MALRD1: variants seen among roughly 807,000 people sequenced by gnomAD.
MALRD1 encodes the protein MAM and LDL-receptor class A domain-containing protein 1.
In MALRD1, 247 loss-of-function variants were observed where a neutral mutation model predicts 242.1. The ratio of observed to expected loss-of-function variants is 1.02; its 90% CI spans 0.92 to 1.13. MALRD1 has a LOEUF of 1.13. MALRD1 is among the 50% of genes most tolerant of loss of function. The pLI, the probability that MALRD1 is intolerant of heterozygous loss-of-function variation, is 0.00. For synonymous variants in MALRD1, 995 were observed against 866.6 expected, an observed-to-expected ratio of 1.15 and a Z score of -2.60; for missense variants, 2,989 against 2,533.1, an observed-to-expected ratio of 1.18 and a Z score of -3.86.
intron 12 of MALRD1, among the ~76,000 whole-genome samples, chr10:19,162,316 T>A (rs1005201782): frequency 6.6e-6 from 1 of 152,170 alleles, no homozygotes; most frequent in African/African-American, 2.4e-5. Context: ...TGTTACTTTC[T>A]CTCTATATAT....
chr10:19,450,628 A>T, intron 29 of MALRD1, 138 bp downstream of exon 29: 1 of 800,288 alleles, frequency 1.2e-6, no homozygotes, highest in Non-Finnish European at 1.9e-6. Flanking sequence ...ATAATTTTAT[A>T]ATTGTGAACT....
intron 31 of MALRD1, among the ~76,000 whole-genome samples, chr10:19,515,974 GAT>G (rs1332931481): frequency 6.6e-6 from 1 of 152,170 alleles, no homozygotes; most frequent in Non-Finnish European, 1.5e-5. Context: ...TTGTTTTTAT[GAT>G]TATGCTTGGA....
chr10:19,578,596 G>A (rs1162960043), intron 33 of MALRD1, among the ~76,000 whole-genome samples: 2 of 152,102 alleles, frequency 1.3e-5, no homozygotes, highest in African/African-American at 4.8e-5. Context: ...GGAAGATGAG[G>A]CAGAAGAATT....
At chr10:19,070,269 C>T (rs1030743611) in intron 2 of MALRD1, among the ~76,000 whole-genome samples, 2 of 152,112 alleles carry the variant, frequency 1.3e-5, no homozygotes, top group African/African-American at 4.8e-5. Context: ...ATAGCTTAGC[C>T]TAGCCTACCT....
intron 18 of MALRD1, among the ~76,000 whole-genome samples, chr10:19,256,051 G>T (rs1408145854): frequency 6.6e-6 from 1 of 152,004 alleles, no homozygotes; most frequent in Non-Finnish European, 1.5e-5. Flanking sequence ...CTACTTATAT[G>T]TACAACAGCT....
At chr10:19,448,568 A>G (rs1371367559) in intron 28 of MALRD1, among the ~76,000 whole-genome samples, 1 of 152,130 alleles carries the variant, frequency 6.6e-6, no homozygotes, top group African/African-American at 2.4e-5. Context: ...ACTGGTTAAT[A>G]TGCTGTTTTA....
chr10:19,389,618 A>G lies in MALRD1; in HGVS notation c.4845+9A>G, dbSNP rs1160767452. 3.9e-6 allele frequency: 6 copies of G among 1,547,148 alleles called. No homozygotes were observed. The highest frequency in any genetic ancestry group is 4.0e-5 in the Admixed American group (2 of 50,498). ...TTCAGATTCTCATCAAGGTAGGAAC[A>G]TGGCCTGTGATGCCTCTGAGCTTGT... On this transcript the variant is annotated intron_variant, in intron 28 of 39. Transcript: ENST00000454679.
intron 29 of MALRD1, 81 bp downstream of exon 29, chr10:19,450,571 C>G (rs1266612124): frequency 9.8e-6 from 12 of 1,218,812 alleles, no homozygotes; most frequent in African/African-American, 3.1e-5. Context: ...GTTTACAATG[C>G]TTTACTGTTA....
chr10:19,146,105 G>T, intron 10 of MALRD1, 93 bp from the exon 11 acceptor site: 1 of 948,026 alleles, frequency 1.1e-6, no homozygotes, highest in Non-Finnish European at 1.4e-6. Flanking sequence ...GAATAATTTT[G>T]CAGGCCTCCT....
At chr10:19,653,159 C>T (rs1235597608) in intron 36 of MALRD1, among the ~76,000 whole-genome samples, 2 of 152,078 alleles carry the variant, frequency 1.3e-5, no homozygotes, top group Admixed American at 1.3e-4. Flanking sequence ...AACATCTGAT[C>T]AGTTTCCATC....
chr10:19,244,590 A>T (rs762163098), intron 18 of MALRD1, among the ~76,000 whole-genome samples: 2 of 152,068 alleles, frequency 1.3e-5, no homozygotes, highest in African/African-American at 4.8e-5. Context: ...ATCTAGTGAG[A>T]TTTGATTTCT....
intron 28 of MALRD1, among the ~76,000 whole-genome samples, chr10:19,391,811 G>T (rs933897304): frequency 1.1e-4 from 17 of 152,314 alleles, no homozygotes; most frequent in Admixed American, 1.0e-3. Flanking sequence ...AGTCTTGAGA[G>T]CAAGGCACTG....
intron 26 of MALRD1, among the ~76,000 whole-genome samples, chr10:19,379,844 T>C (rs1459949963): frequency 1.3e-5 from 2 of 152,194 alleles, no homozygotes; most frequent in African/African-American, 2.4e-5. Flanking sequence ...TTCTGTTTTA[T>C]CAGTAACTGA....
chr10:19,509,916 G>A (rs189770009), intron 31 of MALRD1, among the ~76,000 whole-genome samples: 35 of 152,014 alleles, frequency 2.3e-4, no homozygotes, highest in Middle Eastern at 3.4e-3. Flanking sequence ...AGAAAAGTGG[G>A]CCCAGGGGAC....
At position 19,692,476 on chromosome 10, in the gene MALRD1, G is replaced by A. The variant is rs1370915543; in HGVS notation, c.6236G>A (p.Gly2079Asp). ...YAQNNTWTLL[G>D]IGLAFLMTHI... is the part of the protein sequence containing the mutation. ...ATTCCAGATACATGGACTCTCCTGG[G>A]TATTGGATTAGCATTCCTGATGACT... is the stretch of plus-strand genomic sequence containing the variant. Residue 2079 changes from glycine to aspartate, a missense_variant, in exon 38 of 40, where the codon GGT becomes GAT. Gly to Asp is a moderately conservative substitution (Grantham distance 94). Coordinates refer to ENST00000454679, the MANE Select transcript of MALRD1 (RefSeq NM_001142308.3). 4 of 1,535,700 alleles carry A rather than the reference G, an allele frequency of 2.6e-6. No homozygotes were observed. The East Asian group carries it at 7.3e-5, about 28-fold the overall frequency.
chr10:19,196,532 CTTTG>C (rs1836259802), intron 14 of MALRD1, among the ~76,000 whole-genome samples: 1 of 83,642 alleles, frequency 1.2e-5, no homozygotes, highest in Non-Finnish European at 2.3e-5. Flanking sequence ...GGGCACCACT[CTTTG>C]TTTTTTTTTT....
intron 31 of MALRD1, among the ~76,000 whole-genome samples, chr10:19,516,625 G>C (rs1394194372): frequency 2.0e-5 from 3 of 150,724 alleles, no homozygotes; most frequent in Non-Finnish European, 1.5e-5. Context: ...TCCTCCTCCT[G>C]CTCCTCCTCT....
intron 24 of MALRD1, among the ~76,000 whole-genome samples, chr10:19,333,140 TA>T (rs544528800): frequency 0.017 from 2,463 of 148,174 alleles, 51 homozygotes; most frequent in African/African-American, 0.046. Context: ...CACTTCTTTT[TA>T]AAAAAAAAAA....
chr10:19,073,584 C>A (rs1346848601), intron 2 of MALRD1, among the ~76,000 whole-genome samples: 7 of 152,062 alleles, frequency 4.6e-5, no homozygotes, highest in African/African-American at 1.4e-4. Flanking sequence ...AAACCTTGTA[C>A]AAAATTACCT....
Sources: gnomAD v4.1 joint callset for allele counts (sites outside exome capture counted in the v4.1 genomes callset) on GRCh38, gnomAD v4.1.1 for gene constraint, MANE v1.5 for transcripts, NCBI Gene and HGNC (gene_info 2026-07-23, HGNC 2026-07-21) for gene names.